LRRC40: variants seen among roughly 807,000 people sequenced by gnomAD.
LRRC40 encodes the protein leucine rich repeat containing 40, also known as leucine-rich repeat-containing protein 40.
In LRRC40, 76 loss-of-function variants were observed where a neutral mutation model predicts 72.8. The ratio of observed to expected loss-of-function variants is 1.04; its 90% CI spans 0.87 to 1.26. The LOEUF (loss-of-function observed/expected upper bound fraction) is 1.26. LRRC40 is among the 50% of genes most tolerant of loss of function. The pLI, the probability that LRRC40 is intolerant of heterozygous loss-of-function variation, is 0.00. For missense variants in LRRC40, 684 were observed against 698.9 expected, an observed-to-expected ratio of 0.98 and a Z score of 0.24; for synonymous variants, 243 against 254.2, an observed-to-expected ratio of 0.96 and a Z score of 0.42.
chr1:70,175,796 A>T lies in LRRC40; in HGVS notation c.977+14T>A. On this transcript the variant is annotated intron_variant, in intron 7 of 14. Transcript: ENST00000370952. The stretch of plus-strand genomic sequence containing the variant: ...TACAAACACAATTTCTATTCATTTG[A>T]TATTTAAACTTACCTACTAATATCA... 1 of 1,501,614 alleles carries T rather than the reference A, an allele frequency of 6.7e-7. No individual in the cohort carries two copies. 93.0% of individuals were successfully genotyped at this position (1,501,614 alleles called of 1,614,324 possible).
intron 9 of LRRC40, among the ~76,000 whole-genome samples, chr1:70,162,474 AGT>A: frequency 6.6e-6 from 1 of 152,290 alleles, no homozygotes; most frequent in East Asian, 1.9e-4. Context: ...GAATTCTGAG[AGT>A]GGAGCCCAGC....
Position 70,173,701 on chromosome 1 carries a change from T to C in LRRC40, c.986A>G (p.Tyr329Cys). 6.7e-7 allele frequency: 1 copy of C among 1,492,576 alleles called. No homozygotes were observed. The highest frequency in any genetic ancestry group is 9.2e-7 in the Non-Finnish European group (1 of 1,089,526). 92.5% of individuals were successfully genotyped at this position (1,492,576 alleles called of 1,614,324 possible). Reference protein sequence around the residue: ...LSNNDISSLPYSLGNLHLKFL... With the variant: ...LSNNDISSLPCSLGNLHLKFL... ...TTTCAAATGAAGGTTCCCCAATGAATAGGGAAGACTATAAAAGATTAAATT... is the reference window on the plus strand; with the variant it reads ...TTTCAAATGAAGGTTCCCCAATGAACAGGGAAGACTATAAAAGATTAAATT... The change falls in exon 8 of 15, where the codon TAT becomes TGT. Residue 329 changes from tyrosine (Y) to cysteine (C), a missense_variant. Physicochemically the swap from Tyr to Cys is radical, Grantham distance 194. Transcript: ENST00000370952.
chr1:70,163,696 T>C (rs930965119), intron 9 of LRRC40, among the ~76,000 whole-genome samples: 1 of 152,212 alleles, frequency 6.6e-6, no homozygotes, highest in East Asian at 1.9e-4. Context: ...GTGGCCATCA[T>C]TGAAGGGTCA....
At chr1:70,167,485 G>C (rs1301465055) in intron 9 of LRRC40, among the ~76,000 whole-genome samples, 1 of 152,000 alleles carries the variant, frequency 6.6e-6, no homozygotes, top group African/African-American at 2.4e-5. Flanking sequence ...CCTTGAACCT[G>C]GGAGGCGGAG....
At position 70,184,807 on chromosome 1, in the gene LRRC40, T is replaced by G. The variant is rs1668325049; in HGVS notation, c.515A>C (p.Gln172Pro). 6.2e-7 allele frequency: 1 copy of G among 1,605,306 alleles called. No homozygotes were observed. The highest frequency in any genetic ancestry group is 2.2e-5 in the East Asian group (1 of 44,472). ...TACTAAATCTTCTAAATTGGAAAGT[T>G]GTTCAAATCCCTCTGATATGCAGGT... The part of the protein sequence containing the change: ...ELTCISEGFE[Q>P]LSNLEDLDLS... Residue 172 changes from glutamine (Q) to proline (P), a missense_variant, in exon 4 of 15, where the codon CAA (glutamine) becomes CCA (proline). Transcript: ENST00000370952.
At chr1:70,184,298 C>T (rs529018132) in intron 4 of LRRC40, among the ~76,000 whole-genome samples, 8 of 152,170 alleles carry the variant, frequency 5.3e-5, no homozygotes, top group East Asian at 1.9e-4. Flanking sequence ...ATTTGTATTG[C>T]TTTACAGTTA....
At chr1:70,171,470 G>A (rs1221752015) in intron 9 of LRRC40, among the ~76,000 whole-genome samples, 11 of 151,514 alleles carry the variant, frequency 7.3e-5, no homozygotes, top group Admixed American at 7.2e-4. Flanking sequence ...TCTAAAGTAT[G>A]TAAAGAACAC....
rs370088047 is a variant in LRRC40, at chr1:70,148,477, G to A, written c.1703+10C>T. ...ATAAATGAAACAATGCAGTAGAATG[G>A]TGTAGTTACCTTAAGTTTACACAAT... is the stretch of plus-strand genomic sequence containing the variant. On this transcript the variant is annotated intron_variant, in intron 14 of 14. Transcript: ENST00000370952. 2 of 1,594,426 alleles carry A rather than the reference G, an allele frequency of 1.3e-6. No homozygotes were observed. Among genetic ancestry groups the A allele is most frequent in the South Asian group, 2.2e-5 (2 of 89,610 alleles).
At chr1:70,173,414 T>C in intron 9 of LRRC40, 51 bp downstream of exon 9, 1 of 1,315,870 alleles carries the variant, frequency 7.6e-7, no homozygotes, top group South Asian at 1.2e-5. Context: ...CTATTAATTC[T>C]TCACCACTTT....
In LRRC40 at chr1:70,202,310, A is replaced by G. The variant is rs1005164594; in HGVS notation, c.151+3080T>C. ...ATCCAAGATGTCCTTCAACATGTGAATGAACAAAATGGTACATTCATACAA... is the reference window on the plus strand; with the variant it reads ...ATCCAAGATGTCCTTCAACATGTGAGTGAACAAAATGGTACATTCATACAA... On this transcript the variant is annotated intron_variant, in intron 1 of 14. Coordinates refer to ENST00000370952, the MANE Select transcript of LRRC40 (RefSeq NM_017768.5). Among the ~76,000 whole-genome samples, 13 of 152,232 alleles carry G rather than the reference A, an allele frequency of 8.5e-5. No individual in the cohort carries two copies. The East Asian group carries it at 2.5e-3, about 29-fold the overall frequency.
intron 1 of LRRC40, 103 bp downstream of exon 1, chr1:70,205,287 A>C: frequency 9.0e-7 from 1 of 1,106,322 alleles, no homozygotes; most frequent in Non-Finnish European, 1.3e-6. Context: ...TCTGGCTAGC[A>C]GTCTGAGAAA....
In LRRC40 at chr1:70,166,862, C is replaced by T. The variant is rs74378302; in HGVS notation, c.1111+6603G>A. ...TTTGGCTTGGTTTTCCCTTGCTTTA[C>T]AATCCTGTTCTAAAAAAATTTTCCC... On this transcript the variant is annotated intron_variant, in intron 9 of 14. Coordinates refer to ENST00000370952, the MANE Select transcript of LRRC40 (RefSeq NM_017768.5). Among the ~76,000 whole-genome samples the T allele has an allele frequency of 7.8e-3, 1,175 of 151,070 alleles. 83 individuals are homozygous for T. The East Asian group carries it at 0.18, about 24-fold the overall frequency.
intron 3 of LRRC40, among the ~76,000 whole-genome samples, chr1:70,186,721 T>C (rs1401437495): frequency 6.6e-6 from 1 of 152,200 alleles, no homozygotes; most frequent in Non-Finnish European, 1.5e-5. Context: ...AGTCTGGGTA[T>C]GTATCAGAGA....
intron 9 of LRRC40, among the ~76,000 whole-genome samples, chr1:70,162,858 T>C (rs185078339): frequency 3.3e-5 from 5 of 152,294 alleles, no homozygotes; most frequent in African/African-American, 1.2e-4. Context: ...ACTAAAAATA[T>C]GATTCCAATT....
intron 9 of LRRC40, among the ~76,000 whole-genome samples, chr1:70,161,425 G>A (rs12728315): frequency 6.6e-6 from 1 of 151,292 alleles, no homozygotes; most frequent in East Asian, 2.0e-4. Context: ...GGTGGCGGAC[G>A]CCTGTAGTCC....
intron 1 of LRRC40, among the ~76,000 whole-genome samples, chr1:70,202,862 T>G (rs1194291227): frequency 2.0e-5 from 3 of 152,132 alleles, no homozygotes; most frequent in African/African-American, 7.2e-5. Flanking sequence ...AAAGTATGGT[T>G]GTTTGGGGGA....
intron 1 of LRRC40, among the ~76,000 whole-genome samples, chr1:70,192,025 T>C (rs892711604): frequency 1.3e-5 from 2 of 152,146 alleles, no homozygotes; most frequent in African/African-American, 4.8e-5. Flanking sequence ...GGTAGTTTGG[T>C]AGGAATAGCA....
chr1:70,166,140 A>G (rs887610379), intron 9 of LRRC40, among the ~76,000 whole-genome samples: 3 of 152,294 alleles, frequency 2.0e-5, no homozygotes, highest in Non-Finnish European at 2.9e-5. Flanking sequence ...AATTCAACCT[A>G]TTTTGAAGTC....
At chr1:70,181,237 G>T in intron 4 of LRRC40, 28 bp from the exon 5 acceptor site, 1 of 1,342,790 alleles carries the variant, frequency 7.4e-7, no homozygotes, top group Non-Finnish European at 1.0e-6. Flanking sequence ...CAAAATAAAT[G>T]AATAAACAAG....
Sources: gnomAD v4.1 joint callset for allele counts (sites outside exome capture counted in the v4.1 genomes callset) on GRCh38, gnomAD v4.1.1 for gene constraint, MANE v1.5 for transcripts, NCBI Gene and HGNC (gene_info 2026-07-23, HGNC 2026-07-21) for gene names.